Variants in SNTG1 observed in about 807,000 individuals in gnomAD.
SNTG1 encodes gamma-1-syntrophin.
In SNTG1, 39 loss-of-function variants were observed where a neutral mutation model predicts 74.7. The observed-to-expected ratio is 0.52, with a 90% confidence interval of 0.40 to 0.68. The LOEUF (loss-of-function observed/expected upper bound fraction) is 0.68. Among genes scored for constraint, SNTG1 ranks in the 30% least tolerant of loss-of-function variants. The pLI is 0.00. For missense variants in SNTG1, 685 were observed against 609.5 expected (o/e 1.12, Z -1.30); for synonymous variants, 254 against 217.1 (o/e 1.17, Z -1.49).
chr8:49,921,484 C>T (rs112985582), intron 1 of SNTG1, among the ~76,000 whole-genome samples: 6 of 152,172 alleles, frequency 3.9e-5, no homozygotes, highest in African/African-American at 7.2e-5. Flanking sequence ...AGAAAGATCA[C>T]GTTCATTCTA....
intron 18 of SNTG1, among the ~76,000 whole-genome samples, chr8:50,774,254 C>T (rs1410907887): frequency 1.3e-5 from 2 of 151,750 alleles, no homozygotes; most frequent in Non-Finnish European, 2.9e-5. Context: ...TATTAATATA[C>T]ATATTTGAAG....
chr8:49,942,943 C>T (rs1408335183), intron 1 of SNTG1, among the ~76,000 whole-genome samples: 1 of 152,160 alleles, frequency 6.6e-6, no homozygotes, highest in Non-Finnish European at 1.5e-5. Flanking sequence ...ATTTAGGCTT[C>T]ATCTCTTGAG....
At chr8:50,345,204 C>A (rs113446792) in intron 2 of SNTG1, among the ~76,000 whole-genome samples, 1 of 152,120 alleles carries the variant, frequency 6.6e-6, no homozygotes, top group African/African-American at 2.4e-5. Flanking sequence ...TCTTCTGTAC[C>A]TTTTATACAA....
chr8:50,482,912 T>C (rs2093753204), intron 8 of SNTG1, among the ~76,000 whole-genome samples: 1 of 152,170 alleles, frequency 6.6e-6, no homozygotes. Context: ...ACACATGAAA[T>C]TCCCCAAAGA....
In SNTG1 at chr8:50,180,750, CTTTTTTTTTT is replaced by C. The variant is rs60630226; in HGVS notation, c.-28+8135_-28+8144del. 8.7e-5 allele frequency among the ~76,000 whole-genome samples: 7 copies of C among 80,666 alleles called. No individual in the cohort carries two copies. In the East Asian group the frequency reaches 1.8e-3, roughly 20 times the overall value. The allele number at this position is 80,666 out of a possible 152,430, so 52.9% of individuals were successfully genotyped here. On this transcript the variant is annotated intron_variant, in intron 2 of 18. Transcript: ENST00000642720. The stretch of plus-strand genomic sequence containing the variant: ...TGCGTTTCCCACCAGATTGTGAAGC[CTTTTTTTTTT>C]TTTTTTTTTTTTTTTTTTTAACAAA...
chr8:50,115,581 A>AAAAAAAC (rs2080790258), intron 1 of SNTG1, among the ~76,000 whole-genome samples: 1 of 147,722 alleles, frequency 6.8e-6, no homozygotes, highest in African/African-American at 2.5e-5. Context: ...AAAAAAAAAA[A>AAAAAAAC]AAAAAACGAG....
intron 17 of SNTG1, among the ~76,000 whole-genome samples, chr8:50,711,750 T>C (rs1258598109): frequency 2.6e-5 from 4 of 151,660 alleles, no homozygotes; most frequent in East Asian, 3.9e-4. Context: ...TCCCTATACT[T>C]ACATTTACAT....
intron 1 of SNTG1, among the ~76,000 whole-genome samples, chr8:50,060,852 A>G (rs988388496): frequency 6.6e-6 from 1 of 152,038 alleles, no homozygotes; most frequent in Admixed American, 6.6e-5. Context: ...TTGATATGGT[A>G]TATTACATTG....
chr8:50,746,493 C>T (rs1473756781), intron 17 of SNTG1, among the ~76,000 whole-genome samples: 1 of 151,884 alleles, frequency 6.6e-6, no homozygotes, highest in Non-Finnish European at 1.5e-5. Context: ...TACAAAATAC[C>T]TGACAGGACT....
Position 50,125,439 on chromosome 8 carries a change from T to C in SNTG1, c.-102-47122T>C, listed in dbSNP as rs937415447. 4.2e-5 allele frequency among the ~76,000 whole-genome samples: 6 copies of C among 142,652 alleles called. 2 individuals are homozygous for C. The highest frequency in any genetic ancestry group is 1.5e-4 in the African/African-American group (6 of 39,512). 93.6% of individuals were successfully genotyped at this position (142,652 alleles called of 152,430 possible). A position where few individuals can be genotyped will look rare whatever the true frequency, so the allele number is the denominator to read the frequency against. Reference sequence around the variant, plus strand: ...TACCATTTTTGTTTGTTTCTTTAAATAGACATTAGGTTTTCTTTATTTATG... The same window carrying C: ...TACCATTTTTGTTTGTTTCTTTAAACAGACATTAGGTTTTCTTTATTTATG... On this transcript the variant is annotated intron_variant, in intron 1 of 18. Transcript: ENST00000642720.
chr8:50,259,225 AC>A (rs746835147), intron 2 of SNTG1, among the ~76,000 whole-genome samples: 4 of 152,134 alleles, frequency 2.6e-5, no homozygotes, highest in Non-Finnish European at 5.9e-5. Context: ...AAAATCAGTC[AC>A]AGTGGCTCAC....
chr8:50,148,186 C>T (rs570189546), intron 1 of SNTG1, among the ~76,000 whole-genome samples: 31 of 151,968 alleles, frequency 2.0e-4, no homozygotes, highest in African/African-American at 7.2e-4. Context: ...AATAAACATA[C>T]ATGAATATGA....
intron 13 of SNTG1, among the ~76,000 whole-genome samples, chr8:50,601,234 G>T (rs527833966): frequency 4.2e-5 from 6 of 143,044 alleles, no homozygotes; most frequent in Admixed American, 7.1e-5. Flanking sequence ...TGTTTGTTTG[G>T]CTTTGTTTTT....
chr8:50,075,062 C>T (rs980567859), intron 1 of SNTG1, among the ~76,000 whole-genome samples: 4 of 152,196 alleles, frequency 2.6e-5, no homozygotes, highest in Non-Finnish European at 4.4e-5. Context: ...GCCCACACTG[C>T]CCCCATATTT....
At chr8:50,376,968 TG>T (rs1238873688) in intron 2 of SNTG1, among the ~76,000 whole-genome samples, 2 of 152,014 alleles carry the variant, frequency 1.3e-5, no homozygotes, top group African/African-American at 4.8e-5. Context: ...AAGGAAGCAG[TG>T]AAGGATTCAA....
chr8:50,474,519 G>A (rs368819339), intron 8 of SNTG1, among the ~76,000 whole-genome samples: 100 of 152,006 alleles, frequency 6.6e-4, no homozygotes, highest in African/African-American at 1.9e-3. Flanking sequence ...AATCAAAACC[G>A]CAATGAGATA....
chr8:50,258,424 A>T (rs2086988222), intron 2 of SNTG1, among the ~76,000 whole-genome samples: 1 of 152,228 alleles, frequency 6.6e-6, no homozygotes, highest in Non-Finnish European at 1.5e-5. Flanking sequence ...GGTGTCATCC[A>T]TACACAAAAG....
At position 50,669,677 on chromosome 8, in the gene SNTG1, C is replaced by T. The variant is rs868215338; in HGVS notation, c.1038+11014C>T. Among the ~76,000 whole-genome samples, 32 of 152,270 alleles carry T rather than the reference C, an allele frequency of 2.1e-4. 1 individual carries two copies. Among genetic ancestry groups the T allele is most frequent in the African/African-American group, 7.0e-4 (29 of 41,548 alleles). ...ATCAATAGAAAAAGAGGGAATCCTCCCTAACTCATTTTATGAGGCCAGCAT... is the reference window on the plus strand; with the variant it reads ...ATCAATAGAAAAAGAGGGAATCCTCTCTAACTCATTTTATGAGGCCAGCAT... On this transcript the variant is annotated intron_variant, in intron 15 of 18. Coordinates refer to ENST00000642720, the MANE Select transcript of SNTG1 (RefSeq NM_018967.5).
intron 1 of SNTG1, among the ~76,000 whole-genome samples, chr8:49,939,102 T>C (rs1808443250): frequency 6.6e-6 from 1 of 152,194 alleles, no homozygotes. Flanking sequence ...TAAATTTTAT[T>C]TAGTACTGCA....
Sources: gnomAD v4.1 joint callset for allele counts (sites outside exome capture counted in the v4.1 genomes callset) on GRCh38, gnomAD v4.1.1 for gene constraint, MANE v1.5 for transcripts, NCBI Gene and HGNC (gene_info 2026-07-23, HGNC 2026-07-21) for gene names.